The following PASD1 variants were observed in gnomAD, a reference collection of about 807,000 sequenced individuals.
PASD1 encodes circadian clock protein PASD1.
In PASD1, 13 loss-of-function variants were observed where a neutral mutation model predicts 58.8. That is an observed-to-expected ratio of 0.22 (90% CI 0.14 to 0.35). The LOEUF (loss-of-function observed/expected upper bound fraction) is 0.35. Among genes scored for constraint, PASD1 ranks in the 10% least tolerant of loss-of-function variants. PASD1 has a pLI of 1.00. For missense variants in PASD1, 734 were observed against 568.3 expected, an observed-to-expected ratio of 1.29 and a Z score of -2.96; for synonymous variants, 236 against 216.7, an observed-to-expected ratio of 1.09 and a Z score of -0.78.
intron 9 of PASD1, among the ~76,000 whole-genome samples, chrX:151,659,284 C>G (rs2014282302): frequency 8.9e-6 from 1 of 111,922 alleles, no homozygotes; most frequent in African/African-American, 3.3e-5. Flanking sequence ...TCTCCCACTG[C>G]TGTCCCATTT....
chrX:151,608,811 A>G (rs1217102272), intron 3 of PASD1, among the ~76,000 whole-genome samples: 1 of 111,245 alleles, frequency 9.0e-6, no homozygotes, highest in Admixed American at 9.6e-5. Context: ...TTTGCAATTT[A>G]TATGTTTTTA....
intron 3 of PASD1, among the ~76,000 whole-genome samples, chrX:151,607,625 A>T (rs766819269): frequency 8.9e-6 from 1 of 111,956 alleles, no homozygotes; most frequent in South Asian, 3.8e-4. Flanking sequence ...AATAGTCTGT[A>T]TAGGGGAGGA....
At chrX:151,604,817 A>G in intron 3 of PASD1, 83 bp downstream of exon 3, 3 of 769,584 alleles carry the variant, frequency 3.9e-6, no homozygotes, top group Non-Finnish European at 5.8e-6. Context: ...TCAAAGTGTG[A>G]TTAGGAGATC....
intron 9 of PASD1, among the ~76,000 whole-genome samples, chrX:151,650,788 CA>C (rs2124297668): frequency 8.9e-6 from 1 of 111,809 alleles, no homozygotes; most frequent in African/African-American, 3.2e-5. Flanking sequence ...AGGAGCTTCA[CA>C]GTTACCAGAG....
At chrX:151,625,289 C>G (rs1255112398) in intron 7 of PASD1, among the ~76,000 whole-genome samples, 159 bp from the exon 8 acceptor site, 1 of 112,116 alleles carries the variant, frequency 8.9e-6, no homozygotes, top group African/African-American at 3.2e-5. Context: ...ATCTCTAATC[C>G]TCAGTTTTCA....
intron 1 of PASD1, among the ~76,000 whole-genome samples, chrX:151,576,733 CAG>C (rs1172217282): frequency 8.9e-6 from 1 of 111,745 alleles, no homozygotes; most frequent in Non-Finnish European, 1.9e-5. Context: ...CAGTTGCAAA[CAG>C]AAATGAACTT....
intron 9 of PASD1, among the ~76,000 whole-genome samples, chrX:151,655,271 G>C (rs2014224747): frequency 9.3e-6 from 1 of 107,138 alleles, no homozygotes; most frequent in South Asian, 4.1e-4. Context: ...CATTTGGGTT[G>C]GTTCCTAGTC....
intron 9 of PASD1, among the ~76,000 whole-genome samples, chrX:151,650,790 G>A (rs369099864): frequency 8.9e-6 from 1 of 111,777 alleles, no homozygotes; most frequent in East Asian, 2.8e-4. Context: ...GAGCTTCACA[G>A]TTACCAGAGC....
At chrX:151,659,866 C>CTATT in intron 10 of PASD1, 30 bp downstream of exon 10, 1 of 1,182,028 alleles carries the variant, frequency 8.5e-7, no homozygotes, top group Non-Finnish European at 1.1e-6. Flanking sequence ...TGGATAGGGA[C>CTATT]TATTAGAAGA....
intron 8 of PASD1, among the ~76,000 whole-genome samples, chrX:151,626,829 C>G (rs2013795181): frequency 9.0e-6 from 1 of 111,308 alleles, no homozygotes; most frequent in South Asian, 3.8e-4. Context: ...GGTAAGGAAG[C>G]CAGAGCTGGT....
At chrX:151,564,988 A>G (rs1308317999) in intron 1 of PASD1, among the ~76,000 whole-genome samples, 1 of 112,109 alleles carries the variant, frequency 8.9e-6, no homozygotes, top group Non-Finnish European at 1.9e-5. Context: ...AAATTAATCT[A>G]CCCTGGATTA....
At chrX:151,608,765 G>T (rs1227302756) in intron 3 of PASD1, among the ~76,000 whole-genome samples, 3 of 111,372 alleles carry the variant, frequency 2.7e-5, no homozygotes, top group Non-Finnish European at 5.7e-5. Context: ...ATGATGATGT[G>T]ATTGGTTATA....
intron 3 of PASD1, among the ~76,000 whole-genome samples, chrX:151,610,306 G>C (rs1371723771): frequency 1.8e-5 from 2 of 110,990 alleles, no homozygotes; most frequent in Non-Finnish European, 3.8e-5. Flanking sequence ...TTTTATTTCT[G>C]GCTGTGTTCT....
intron 1 of PASD1, among the ~76,000 whole-genome samples, chrX:151,582,666 G>C (rs1267173966): frequency 8.9e-6 from 1 of 111,747 alleles, no homozygotes; most frequent in African/African-American, 3.3e-5. Context: ...CTAAAATGCT[G>C]CTGCACTTCA....
At chrX:151,599,687 TC>T (rs2013382057) in intron 1 of PASD1, among the ~76,000 whole-genome samples, 1 of 94,515 alleles carries the variant, frequency 1.1e-5, no homozygotes, top group Admixed American at 1.2e-4. Flanking sequence ...GCAGAGGCGC[TC>T]CCCACATCCC....
intron 4 of PASD1, among the ~76,000 whole-genome samples, chrX:151,614,210 C>G (rs2013608186): frequency 9.0e-6 from 1 of 111,082 alleles, no homozygotes; most frequent in African/African-American, 3.3e-5. Context: ...GTCTCGAACT[C>G]CTGACCTCAA....
rs1337504311 is a variant in PASD1, at chrX:151,676,367, AG to A, written c.*227del. On this transcript the variant is annotated 3_prime_UTR_variant, in exon 16 of 16. Transcript: ENST00000370357. ...GGCAGCCTGTGATCCGTAGTATGCT[AG>A]GGTGTGACAGCAGCCAGCCACAGCT... The A allele has an allele frequency of 6.2e-6, 2 of 325,010 alleles. No individual in the cohort carries two copies. The highest frequency in any genetic ancestry group is 1.0e-5 in the Non-Finnish European group (2 of 192,179). 26.8% of individuals were successfully genotyped at this position (325,010 alleles called of 1,213,427 possible). A position where few individuals can be genotyped will look rare whatever the true frequency, so the allele number is the denominator to read the frequency against.
intron 1 of PASD1, among the ~76,000 whole-genome samples, chrX:151,585,484 GA>G (rs1230445585): frequency 9.0e-6 from 1 of 111,570 alleles, no homozygotes; most frequent in African/African-American, 3.3e-5. Flanking sequence ...GCTGGTTGAG[GA>G]TGGACTAGAG....
In PASD1 at chrX:151,672,239, G is replaced by T. The variant is rs762240485; in HGVS notation, c.1494G>T (p.Glu498Asp). ...AGGAGCAGCAGCGGCAGCTGCGGGA[G>T]CAGCTGCAACAGCTGAGAGAGCAAA... ...HLKEQQRQLR[E>D]QLQQLREQRK... Residue 498 changes from glutamate to aspartate, a missense_variant, in exon 14 of 16, where the codon GAG becomes GAT. Physicochemically the swap from Glu to Asp is conservative, Grantham distance 45. Coordinates refer to ENST00000370357, the MANE Select transcript of PASD1 (RefSeq NM_173493.3). 8.0e-5 allele frequency: 93 copies of T among 1,163,472 alleles called. No homozygotes were observed. Among genetic ancestry groups the T allele is most frequent in the Non-Finnish European group, 9.6e-5 (84 of 872,094 alleles).
Sources: gnomAD v4.1 joint callset for allele counts (sites outside exome capture counted in the v4.1 genomes callset) on GRCh38, gnomAD v4.1.1 for gene constraint, MANE v1.5 for transcripts, NCBI Gene and HGNC (gene_info 2026-07-23, HGNC 2026-07-21) for gene names.